Variants in SLC25A53 observed in about 807,000 individuals in gnomAD.
SLC25A53 encodes solute carrier family 25 member 53.
A neutral mutation model predicts 15.0 loss-of-function variants in SLC25A53; 5 were observed. That is an observed-to-expected ratio of 0.33 (90% CI 0.17 to 0.70). SLC25A53 has a LOEUF of 0.70. Among genes scored for constraint, SLC25A53 ranks in the 30% least tolerant of loss-of-function variants. The probability of loss-of-function intolerance (pLI) is 0.67; values close to 1 mark genes in which losing one functional copy is unlikely to be tolerated. For missense variants in SLC25A53, 216 were observed against 241.6 expected (o/e 0.89, Z 0.70); for synonymous variants, 95 against 100.0 (o/e 0.95, Z 0.30).
At position 104,122,140 on chromosome X, in the gene SLC25A53, G is replaced by A. The variant is rs1242898212; in HGVS notation, c.-31-16852C>T. Among the ~76,000 whole-genome samples the A allele has an allele frequency of 3.8e-5, 4 of 104,962 alleles. 1 individual carries two copies. Among genetic ancestry groups the A allele is most frequent in the African/African-American group, 1.4e-4 (4 of 28,792 alleles). 91.1% of individuals were successfully genotyped at this position (104,962 alleles called of 115,157 possible). On this transcript the variant is annotated intron_variant, in intron 1 of 1. Coordinates refer to ENST00000594199, the MANE Select transcript of SLC25A53 (RefSeq NM_001012755.5). ...TTCCAAAATTTTCATTGTGGTAAAA[G>A]TTACAAAAAATTCACCATTTTGACC...
intron 1 of SLC25A53, among the ~76,000 whole-genome samples, chrX:104,117,827 T>C (rs1233629126): frequency 1.8e-5 from 2 of 112,383 alleles, no homozygotes; most frequent in African/African-American, 3.2e-5. Context: ...TATGCTGTCA[T>C]AATTTCTTTC....
At chrX:104,130,185 G>A (rs1556365232) in intron 1 of SLC25A53, among the ~76,000 whole-genome samples, 2 of 110,643 alleles carry the variant, frequency 1.8e-5, no homozygotes, top group African/African-American at 6.6e-5. Flanking sequence ...AATCCAGTAC[G>A]CACTCCCTGC....
chrX:104,153,263 T>TATA (rs373497188), intron 1 of SLC25A53, among the ~76,000 whole-genome samples: 6 of 28,420 alleles, frequency 2.1e-4, no homozygotes, highest in South Asian at 2.1e-3. Context: ...TATATATATA[T>TATA]TTTTTTTTTC....
At chrX:104,140,901 A>G (rs2075449156) in intron 1 of SLC25A53, among the ~76,000 whole-genome samples, 1 of 111,066 alleles carries the variant, frequency 9.0e-6, no homozygotes, top group African/African-American at 3.3e-5. Context: ...TGGTCAGTCC[A>G]AATCCTGCCC....
intron 1 of SLC25A53, among the ~76,000 whole-genome samples, chrX:104,155,608 G>T (rs1556371228): frequency 9.0e-6 from 1 of 111,267 alleles, no homozygotes; most frequent in African/African-American, 3.3e-5. Context: ...GCTGTGAACC[G>T]AGTTTGCTGG....
intron 1 of SLC25A53, among the ~76,000 whole-genome samples, chrX:104,129,862 G>GTGTGTA (rs2075421145): frequency 4.8e-5 from 1 of 20,984 alleles, no homozygotes; most frequent in Non-Finnish European, 9.1e-5. Flanking sequence ...ACAAATGTAT[G>GTGTGTA]TGTGTGTGTG....
rs200731593 is a variant in SLC25A53, at chrX:104,143,687, T to C, written c.-32+13191A>G. Among the ~76,000 whole-genome samples the C allele has an allele frequency of 9.8e-5, 11 of 111,838 alleles. No homozygotes were observed. The East Asian group carries it at 3.1e-3, about 31-fold the overall frequency. ...AAGTTGGAAAACACTCTGCAGGATA[T>C]TATCCAGGAGAACTTCCCCAACCTA... On this transcript the variant is annotated intron_variant, in intron 1 of 1. Transcript: ENST00000594199.
chrX:104,146,075 C>T (rs1180088937), intron 1 of SLC25A53, among the ~76,000 whole-genome samples: 1 of 111,801 alleles, frequency 8.9e-6, no homozygotes, highest in Non-Finnish European at 1.9e-5. Flanking sequence ...GCTGGCATAC[C>T]GAATCCAGCA....
At chrX:104,111,043 C>T (rs1385669878) in intron 1 of SLC25A53, among the ~76,000 whole-genome samples, 1 of 112,638 alleles carries the variant, frequency 8.9e-6, no homozygotes, top group African/African-American at 3.2e-5. Flanking sequence ...GGAACCTGTG[C>T]TCTGGAGTTA....
intron 1 of SLC25A53, among the ~76,000 whole-genome samples, chrX:104,137,418 T>TA (rs2075439209): frequency 9.0e-6 from 1 of 110,561 alleles, no homozygotes; most frequent in South Asian, 3.9e-4. Context: ...GCCTCTACTG[T>TA]AGCCCTGCAC....
At chrX:104,146,979 G>C (rs1556369207) in intron 1 of SLC25A53, among the ~76,000 whole-genome samples, 1 of 111,680 alleles carries the variant, frequency 9.0e-6, no homozygotes, top group African/African-American at 3.3e-5. Context: ...AACCAAAAAA[G>C]AGCCTGCATT....
At chrX:104,106,584 A>G (rs1263429440) in intron 1 of SLC25A53, among the ~76,000 whole-genome samples, 1 of 111,210 alleles carries the variant, frequency 9.0e-6, no homozygotes, top group Non-Finnish European at 1.9e-5. Context: ...GGGGGCATGA[A>G]GGTTGGGACT....
intron 1 of SLC25A53, among the ~76,000 whole-genome samples, chrX:104,144,538 G>C (rs907400885): frequency 1.8e-5 from 2 of 111,701 alleles, no homozygotes; most frequent in Admixed American, 9.5e-5. Context: ...CTGGCCTTCT[G>C]CATCGATCTC....
chrX:104,151,245 G>T (rs2075483929), intron 1 of SLC25A53, among the ~76,000 whole-genome samples: 2 of 111,338 alleles, frequency 1.8e-5, no homozygotes, highest in African/African-American at 6.5e-5. Flanking sequence ...AGGACCTAAA[G>T]GAAATCTGGC....
intron 1 of SLC25A53, among the ~76,000 whole-genome samples, chrX:104,123,867 C>T (rs899890119): frequency 4.5e-5 from 5 of 110,968 alleles, no homozygotes; most frequent in African/African-American, 1.7e-4. Flanking sequence ...CCAGCTTCAT[C>T]CATGTCCCTG....
intron 1 of SLC25A53, among the ~76,000 whole-genome samples, chrX:104,133,335 A>G (rs991785369): frequency 2.7e-5 from 3 of 111,634 alleles, no homozygotes; most frequent in Non-Finnish European, 5.6e-5. Flanking sequence ...AATGATTCCC[A>G]AGGACACAGA....
At chrX:104,112,813 A>G (rs1467733767) in intron 1 of SLC25A53, 3 of 111,838 alleles carry the variant, frequency 2.7e-5, no homozygotes, top group East Asian at 2.8e-4. Context: ...TAAAGAAAGA[A>G]CGCGCGATTG....
chrX:104,139,018 A>C (rs2075444102), intron 1 of SLC25A53, among the ~76,000 whole-genome samples: 1 of 112,200 alleles, frequency 8.9e-6, no homozygotes, highest in South Asian at 3.7e-4. Flanking sequence ...GGAAAACAAA[A>C]ATGCCTGTCC....
chrX:104,142,673 C>T (rs546070842), intron 1 of SLC25A53, among the ~76,000 whole-genome samples: 26 of 109,678 alleles, frequency 2.4e-4, no homozygotes, highest in Non-Finnish European at 3.2e-4. Context: ...CCAACAAGAC[C>T]GAGGCAGAGG....
Sources: allele counts gnomAD v4.1 joint callset (sites outside exome capture counted in the v4.1 genomes callset), GRCh38; gene constraint gnomAD v4.1.1; transcripts MANE v1.5; gene names NCBI Gene and HGNC (gene_info 2026-07-23, HGNC 2026-07-21).